Variants in CRADD observed in about 807,000 individuals in gnomAD.
CRADD encodes CARD and death domain containing adaptor protein.
Under a neutral mutation model 15.5 loss-of-function variants are expected in CRADD, and 9 were observed. That is an observed-to-expected ratio of 0.58 (90% CI 0.35 to 1.01). CRADD has a LOEUF of 1.01. CRADD is among the 50% of genes least tolerant of loss of function. The pLI, the probability that CRADD is intolerant of heterozygous loss-of-function variation, is 0.02. For missense variants in CRADD, 227 were observed against 250.3 expected (o/e 0.91, Z 0.63); for synonymous variants, 118 against 107.6 (o/e 1.10, Z -0.60).
intron 2 of CRADD, among the ~76,000 whole-genome samples, chr12:93,858,061 G>A (rs772680436): frequency 2.6e-5 from 4 of 152,108 alleles, no homozygotes; most frequent in Non-Finnish European, 5.9e-5. Flanking sequence ...TTCTGCTGAG[G>A]GAGCAGACCC....
At chr12:93,701,043 ATGT>A (rs151016412) in intron 2 of CRADD, among the ~76,000 whole-genome samples, 6,172 of 152,092 alleles carry the variant, frequency 0.041, 385 homozygotes, top group African/African-American at 0.14. Context: ...CAAATAAAAG[ATGT>A]TGTTTTTTTC....
chr12:93,748,948 A>G (rs1956800389), intron 2 of CRADD, among the ~76,000 whole-genome samples: 1 of 152,204 alleles, frequency 6.6e-6, no homozygotes, highest in South Asian at 2.1e-4. Context: ...GAAATTGCAC[A>G]GCTATTCTAG....
At chr12:93,839,645 CATT>C (rs1485273843) in intron 2 of CRADD, among the ~76,000 whole-genome samples, 2 of 152,178 alleles carry the variant, frequency 1.3e-5, no homozygotes, top group Non-Finnish European at 2.9e-5. Context: ...AGTGCTTTAT[CATT>C]GTTGTTTACA....
chr12:93,855,712 C>T (rs1193777949), downstream of CRADD, among the ~76,000 whole-genome samples: 1 of 152,236 alleles, frequency 6.6e-6, no homozygotes, highest in Non-Finnish European at 1.5e-5. Context: ...CCTATGGTCA[C>T]AGTGAGGATT....
intron 2 of CRADD, among the ~76,000 whole-genome samples, chr12:93,890,218 T>C (rs1958566938): frequency 6.6e-6 from 1 of 152,226 alleles, no homozygotes. Flanking sequence ...CTCAGATTTA[T>C]CATCTGTAGA....
intron 2 of CRADD, among the ~76,000 whole-genome samples, chr12:93,740,237 T>G (rs1956646067): frequency 6.6e-6 from 1 of 152,188 alleles, no homozygotes; most frequent in Non-Finnish European, 1.5e-5. Context: ...GACCAGTTGT[T>G]TATTAGCTAT....
rs747333092 is a variant in CRADD at position 93,678,840 on chromosome 12, G to A, written c.66G>A (p.Val22=). 2 of 1,614,170 alleles carry A rather than the reference G, an allele frequency of 1.2e-6. No homozygotes were observed. The highest frequency in any genetic ancestry group is 3.3e-5 in the Admixed American group (2 of 60,022). Residue 22 remains valine (V), a synonymous_variant, in exon 2 of 3, where the codon GTG becomes GTA. Transcript: ENST00000332896. The part of the protein sequence containing the change: ...LRLELGAEVL[V]EGLVLQYLYQ... Reference sequence around the variant, plus strand: ...TGGAGCTGGGTGCAGAGGTATTGGTGGAGGGACTGGTTCTTCAGTACCTCT... The same window carrying A: ...TGGAGCTGGGTGCAGAGGTATTGGTAGAGGGACTGGTTCTTCAGTACCTCT...
intron 2 of CRADD, among the ~76,000 whole-genome samples, chr12:93,862,121 A>G (rs979429044): frequency 2.6e-5 from 4 of 152,084 alleles, no homozygotes; most frequent in African/African-American, 9.7e-5. Context: ...AGCCATGTGG[A>G]ACTGTGAGTA....
chr12:93,816,946 A>G (rs1447393741), intron 2 of CRADD, among the ~76,000 whole-genome samples: 1 of 152,228 alleles, frequency 6.6e-6, no homozygotes, highest in Non-Finnish European at 1.5e-5. Context: ...AGGACTAGTG[A>G]TCTGAAATCA....
intron 2 of CRADD, among the ~76,000 whole-genome samples, chr12:93,747,418 A>G (rs997632252): frequency 1.3e-5 from 2 of 150,828 alleles, no homozygotes; most frequent in African/African-American, 4.9e-5. Flanking sequence ...TCCCTTATTC[A>G]TTTCCCTACT....
downstream of CRADD, among the ~76,000 whole-genome samples, chr12:93,853,208 C>T (rs111782364): frequency 6.6e-6 from 1 of 152,108 alleles, no homozygotes; most frequent in African/African-American, 2.4e-5. Flanking sequence ...TAAAATGATG[C>T]ATCTTTTTAA....
intron 2 of CRADD, among the ~76,000 whole-genome samples, chr12:93,832,339 C>A (rs148707266): frequency 6.6e-6 from 1 of 152,226 alleles, no homozygotes; most frequent in Non-Finnish European, 1.5e-5. Flanking sequence ...TTTTTCATTT[C>A]TTTGGTCTTA....
At chr12:93,763,196 T>G (rs543845489) in intron 2 of CRADD, among the ~76,000 whole-genome samples, 2 of 152,370 alleles carry the variant, frequency 1.3e-5, no homozygotes, top group East Asian at 3.9e-4. Flanking sequence ...AGAGCTGACT[T>G]CTGACCTGAC....
intron 2 of CRADD, among the ~76,000 whole-genome samples, chr12:93,756,475 CAG>C (rs1956891378): frequency 6.6e-6 from 1 of 152,190 alleles, no homozygotes; most frequent in Non-Finnish European, 1.5e-5. Context: ...GTAAGCCACA[CAG>C]GGACCTGCCA....
chr12:93,873,978 T>C (rs1396398889), intron 2 of CRADD, among the ~76,000 whole-genome samples: 1 of 152,070 alleles, frequency 6.6e-6, no homozygotes, highest in African/African-American at 2.4e-5. Context: ...TTGGAAGTAG[T>C]CCCTCCTCCT....
chr12:93,891,845 G>A (rs191301543), intron 2 of CRADD, among the ~76,000 whole-genome samples: 5 of 152,184 alleles, frequency 3.3e-5, no homozygotes, highest in East Asian at 1.9e-4. Flanking sequence ...TACTCCCCCC[G>A]ACCTCCTTGT....
At chr12:93,868,011 G>A (rs1267042127) in intron 2 of CRADD, among the ~76,000 whole-genome samples, 1 of 152,126 alleles carries the variant, frequency 6.6e-6, no homozygotes, top group African/African-American at 2.4e-5. Flanking sequence ...ATTTAAAGTT[G>A]AAAACATCCA....
chr12:93,749,897 G>T (rs1956810948), intron 2 of CRADD, among the ~76,000 whole-genome samples: 2 of 152,130 alleles, frequency 1.3e-5, no homozygotes, highest in Non-Finnish European at 2.9e-5. Flanking sequence ...TTGCTTTATA[G>T]AACTTGGTTC....
intron 2 of CRADD, among the ~76,000 whole-genome samples, chr12:93,710,926 G>T (rs1476363160): frequency 5.3e-5 from 8 of 151,978 alleles, no homozygotes; most frequent in Non-Finnish European, 1.0e-4. Flanking sequence ...AGTATTATTT[G>T]AACCCTTTGG....
Sources: allele counts gnomAD v4.1 joint callset (sites outside exome capture counted in the v4.1 genomes callset), GRCh38; gene constraint gnomAD v4.1.1; transcripts MANE v1.5; gene names NCBI Gene and HGNC (gene_info 2026-07-23, HGNC 2026-07-21).